The following FZD3 variants were observed in gnomAD, a reference collection of about 807,000 sequenced individuals.
FZD3 encodes the protein frizzled class receptor 3, also known as frizzled-3.
In FZD3, 30 loss-of-function variants were observed where a neutral mutation model predicts 60.7. The observed-to-expected ratio is 0.49, with a 90% CI of 0.37 to 0.67. The LOEUF (loss-of-function observed/expected upper bound fraction) is 0.67. Ranked by LOEUF, FZD3 falls within the 30% of genes least tolerant of loss-of-function variation. The pLI, the probability that FZD3 is intolerant of heterozygous loss-of-function variation, is 0.00. For missense variants in FZD3, 605 were observed against 838.7 expected (o/e 0.72, Z 3.44); for synonymous variants, 246 against 275.2 (o/e 0.89, Z 1.05).
Position 28,572,502 on chromosome 8 carries a change from G to A in FZD3, c.*9491G>A, listed in dbSNP as rs1223630693. Reference sequence around the variant, plus strand: ...TTATCAAAATGACTTCATAATTGAAGCAAATACCTTTTGGAAGTATATATG... The same window carrying A: ...TTATCAAAATGACTTCATAATTGAAACAAATACCTTTTGGAAGTATATATG... On this transcript the variant is annotated 3_prime_UTR_variant, in exon 8 of 8. Transcript: ENST00000240093. 2 of 152,142 alleles carry A rather than the reference G, an allele frequency of 1.3e-5. No homozygotes were observed. Among genetic ancestry groups the A allele is most frequent in the Non-Finnish European group, 2.9e-5 (2 of 68,008 alleles). The allele number at this position is 152,142 out of a possible 1,614,324, so 9.4% of individuals were successfully genotyped here. A position where few individuals can be genotyped will look rare whatever the true frequency, so the allele number is the denominator to read the frequency against.
chr8:28,537,180 A>G (rs1805038337), intron 5 of FZD3, among the ~76,000 whole-genome samples: 1 of 152,376 alleles, frequency 6.6e-6, no homozygotes, highest in South Asian at 2.1e-4. Context: ...ATTACAGAAT[A>G]CGACATGAAG....
chr8:28,560,375 A>G (rs1805592560), intron 7 of FZD3, among the ~76,000 whole-genome samples: 1 of 152,214 alleles, frequency 6.6e-6, no homozygotes, highest in South Asian at 2.1e-4. Context: ...TAATTCCTAC[A>G]TATACAGTTG....
intron 2 of FZD3, among the ~76,000 whole-genome samples, chr8:28,502,389 C>T (rs1278172874): frequency 3.3e-5 from 5 of 151,876 alleles, no homozygotes; most frequent in African/African-American, 4.8e-5. Flanking sequence ...TATATTGTGA[C>T]GGATGAAAAA....
chr8:28,556,622 G>A (rs1805513336), intron 7 of FZD3, among the ~76,000 whole-genome samples: 2 of 151,096 alleles, frequency 1.3e-5, no homozygotes. Context: ...GAGCCAGATA[G>A]TAAATATTTT....
At chr8:28,520,910 C>A in intron 4 of FZD3, 76 bp downstream of exon 4, 5 of 1,093,248 alleles carry the variant, frequency 4.6e-6, no homozygotes, top group Non-Finnish European at 6.3e-6. Flanking sequence ...TCTTTTCCAT[C>A]TGTTTTAAAA....
At chr8:28,517,199 A>G (rs905868517) in intron 3 of FZD3, among the ~76,000 whole-genome samples, 1 of 152,122 alleles carries the variant, frequency 6.6e-6, no homozygotes, top group African/African-American at 2.4e-5. Flanking sequence ...TCATTTGTAA[A>G]TAATATTTTT....
intron 5 of FZD3, among the ~76,000 whole-genome samples, chr8:28,539,620 T>C (rs561865413): frequency 6.6e-6 from 1 of 152,334 alleles, no homozygotes; most frequent in African/African-American, 2.4e-5. Flanking sequence ...AGACTCTGTA[T>C]GAACCTGATG....
In FZD3 at chr8:28,564,598, A is replaced by G. The variant is rs1805673642; in HGVS notation, c.*1587A>G. The G allele has an allele frequency of 6.6e-6, 1 of 152,134 alleles. No homozygotes were observed. The highest frequency in any genetic ancestry group is 2.1e-4 in the South Asian group (1 of 4,834). The allele number at this position is 152,134 out of a possible 1,614,324, so 9.4% of individuals were successfully genotyped here. ...GTCTTTCGCTTTTATATCATTATCT[A>G]ATATTCAGTTGTTCTGCACCTGATG... On this transcript the variant is annotated 3_prime_UTR_variant, in exon 8 of 8. Coordinates refer to ENST00000240093, the MANE Select transcript of FZD3 (RefSeq NM_017412.4).
At chr8:28,533,711 T>C (rs1318392995) in intron 5 of FZD3, among the ~76,000 whole-genome samples, 1 of 152,204 alleles carries the variant, frequency 6.6e-6, no homozygotes, top group African/African-American at 2.4e-5. Flanking sequence ...GGGATGTTTT[T>C]TACCCTAACA....
intron 3 of FZD3, among the ~76,000 whole-genome samples, chr8:28,509,311 C>T (rs2130304758): frequency 6.6e-6 from 1 of 151,704 alleles, no homozygotes; most frequent in East Asian, 1.9e-4. Context: ...CATTTAAAAA[C>T]CTTAAATATA....
intron 5 of FZD3, among the ~76,000 whole-genome samples, chr8:28,542,164 T>A (rs1805184296): frequency 6.7e-6 from 1 of 150,314 alleles, no homozygotes; most frequent in Non-Finnish European, 1.5e-5. Context: ...TTCTTTGACT[T>A]CGTCTCCTAC....
chr8:28,531,912 C>A (rs1804885489), intron 5 of FZD3, among the ~76,000 whole-genome samples: 1 of 152,068 alleles, frequency 6.6e-6, no homozygotes, highest in African/African-American at 2.4e-5. Flanking sequence ...TTAAGGTAAT[C>A]CTTCCCTGCC....
chr8:28,516,613 A>C, intron 3 of FZD3, among the ~76,000 whole-genome samples: 1 of 152,134 alleles, frequency 6.6e-6, no homozygotes, highest in Non-Finnish European at 1.5e-5. Context: ...ACATTGGATA[A>C]ATTTATTCCT....
rs776878284 is a variant in FZD3, at chr8:28,511,186, T to C, written c.189+7984T>C. ...GACCAACATGGGAAAACCCCATCTC[T>C]ACTAAAAATACAAAAGTTGGCCGGG... On this transcript the variant is annotated intron_variant, in intron 3 of 7. Transcript: ENST00000240093. Among the ~76,000 whole-genome samples, 28 of 151,782 alleles carry C rather than the reference T, an allele frequency of 1.8e-4. No homozygotes were observed. The East Asian group carries it at 2.9e-3, about 16-fold the overall frequency.
chr8:28,539,433 A>C (rs1805104224), intron 5 of FZD3, among the ~76,000 whole-genome samples: 1 of 152,294 alleles, frequency 6.6e-6, no homozygotes, highest in South Asian at 2.1e-4. Context: ...CCAGTGCTAC[A>C]TTGTCTTAAT....
rs950136236 is a variant in FZD3 at position 28,565,443 on chromosome 8, A to C, written c.*2432A>C. ...CATGAGAGAACTAAAACAAACATTC[A>C]CAAACAAAAATAAGTTAAAATAGAA... On this transcript the variant is annotated 3_prime_UTR_variant, in exon 8 of 8. Transcript: ENST00000240093. The C allele has an allele frequency of 6.6e-6, 1 of 152,238 alleles. No individual in the cohort carries two copies. Among genetic ancestry groups the C allele is most frequent in the African/African-American group, 2.4e-5 (1 of 41,478 alleles). 9.4% of individuals were successfully genotyped at this position (152,238 alleles called of 1,614,324 possible). A position where few individuals can be genotyped will look rare whatever the true frequency, so the allele number is the denominator to read the frequency against.
At chr8:28,497,830 G>T (rs1037085110) in intron 1 of FZD3, among the ~76,000 whole-genome samples, 2 of 151,944 alleles carry the variant, frequency 1.3e-5, no homozygotes, top group Non-Finnish European at 2.9e-5. Context: ...CTTCACAGTT[G>T]CCACCTCCTG....
intron 6 of FZD3, among the ~76,000 whole-genome samples, chr8:28,552,069 C>T (rs1805421926): frequency 6.6e-6 from 1 of 152,158 alleles, no homozygotes; most frequent in Admixed American, 6.5e-5. Flanking sequence ...TCTCTACATT[C>T]TTATCTGATC....
At chr8:28,514,942 G>A (rs1030784955) in intron 3 of FZD3, among the ~76,000 whole-genome samples, 4 of 152,142 alleles carry the variant, frequency 2.6e-5, no homozygotes, top group Non-Finnish European at 5.9e-5. Context: ...AAACTGAAGC[G>A]TAGAGAGATT....
Sources: gnomAD v4.1 joint callset for allele counts (sites outside exome capture counted in the v4.1 genomes callset) on GRCh38, gnomAD v4.1.1 for gene constraint, MANE v1.5 for transcripts, NCBI Gene and HGNC (gene_info 2026-07-23, HGNC 2026-07-21) for gene names.